The following MYOZ3 variants were observed in gnomAD, a reference collection of about 807,000 sequenced individuals.
MYOZ3 encodes myozenin 3.
MYOZ3 carries 19 observed loss-of-function variants against 26.5 expected under a neutral mutation model. The observed-to-expected ratio is 0.72, with a 90% confidence interval of 0.50 to 1.05. MYOZ3 has a LOEUF of 1.05. Ranked by LOEUF, MYOZ3 falls within the 50% of genes least tolerant of loss-of-function variation. MYOZ3 has a pLI of 0.00. For missense variants in MYOZ3, 322 were observed against 337.1 expected (o/e 0.96, Z 0.35); for synonymous variants, 135 against 138.8 (o/e 0.97, Z 0.19).
In MYOZ3 at chr5:150,670,599, G is replaced by A. The variant is rs755897254; in HGVS notation, c.177G>A (p.Val59=). The A allele has an allele frequency of 1.2e-6, 2 of 1,612,544 alleles. No homozygotes were observed. The highest frequency in any genetic ancestry group is 2.2e-5 in the East Asian group (1 of 44,820). The change falls in exon 3 of 7, where the codon GTG becomes GTA. Residue 59 remains valine (V), a synonymous_variant. Coordinates refer to ENST00000517768, the MANE Select transcript of MYOZ3 (RefSeq NM_001122853.3). ...TCTTCCAGAAGAGGCAGCGCCGTGT[G>A]CAGAAGTTCACTTTCGAGTTAGCAG... ...SLLFQKRQRR[V]QKFTFELAAS...
At chr5:150,676,057 G>A (rs1455805221) in intron 6 of MYOZ3, among the ~76,000 whole-genome samples, 1 of 152,142 alleles carries the variant, frequency 6.6e-6, no homozygotes, top group Non-Finnish European at 1.5e-5. Flanking sequence ...CTGATTTTCA[G>A]TGCTCTTTCT....
chr5:150,672,124 C>A, intron 5 of MYOZ3: 1 of 1,035,142 alleles, frequency 9.7e-7, no homozygotes, highest in Non-Finnish European at 1.5e-6. Flanking sequence ...ACCCGCGCTG[C>A]GAACTCGTGG....
At chr5:150,674,063 G>C (rs1561672086) in intron 6 of MYOZ3, among the ~76,000 whole-genome samples, 1 of 152,192 alleles carries the variant, frequency 6.6e-6, no homozygotes, top group African/African-American at 2.4e-5. Context: ...GCTCCAGAGG[G>C]ATGTGACTGC....
At chr5:150,675,474 G>A (rs1758989972) in intron 6 of MYOZ3, among the ~76,000 whole-genome samples, 1 of 151,964 alleles carries the variant, frequency 6.6e-6, no homozygotes, top group Non-Finnish European at 1.5e-5. Context: ...TCAGGTTCAA[G>A]CAATTCTTCT....
In MYOZ3 at chr5:150,670,602, GA is replaced by G. The variant is rs773248222; in HGVS notation, c.182del (p.Lys61SerfsTer6). On this transcript the variant is annotated frameshift_variant, in exon 3 of 7. Coordinates refer to ENST00000517768, the MANE Select transcript of MYOZ3 (RefSeq NM_001122853.3). LOFTEE classifies it high-confidence loss of function. Reference sequence around the variant, plus strand: ...TCCAGAAGAGGCAGCGCCGTGTGCAGAAGTTCACTTTCGAGTTAGCAGCCAG... The same window carrying G: ...TCCAGAAGAGGCAGCGCCGTGTGCAGAGTTCACTTTCGAGTTAGCAGCCAG... The part of the protein sequence containing the change: ...LFQKRQRRVQ[K>X]FTFELAASQR... The G allele has an allele frequency of 6.2e-7, 1 of 1,612,434 alleles. No homozygotes were observed. Among genetic ancestry groups the G allele is most frequent in the South Asian group, 1.1e-5 (1 of 90,936 alleles).
chr5:150,676,250 A>C (rs761573409), intron 6 of MYOZ3, among the ~76,000 whole-genome samples: 15 of 152,098 alleles, frequency 9.9e-5, no homozygotes, highest in Non-Finnish European at 7.4e-5. Flanking sequence ...AAAACCTCTT[A>C]AGATGTACAG....
chr5:150,668,658 C>G (rs189806996), intron 2 of MYOZ3, among the ~76,000 whole-genome samples: 4 of 152,344 alleles, frequency 2.6e-5, no homozygotes, highest in Admixed American at 2.6e-4. Context: ...CCGTGCTGCC[C>G]ACACAGGGCT....
In MYOZ3 at chr5:150,675,120, C is replaced by T. The variant is rs77643248; in HGVS notation, c.588-1587C>T. Among the ~76,000 whole-genome samples the T allele has an allele frequency of 3.4e-3, 512 of 152,316 alleles. 18 individuals are homozygous for T. The East Asian group carries it at 0.083, about 25-fold the overall frequency. On this transcript the variant is annotated intron_variant, in intron 6 of 6. Coordinates refer to ENST00000517768, the MANE Select transcript of MYOZ3 (RefSeq NM_001122853.3). Reference sequence around the variant, plus strand: ...ATGTAGAGCCCCTTTGCTCACCATCCTCCAATCCCAGTTGCCTTCCCAAAG... The same window carrying T: ...ATGTAGAGCCCCTTTGCTCACCATCTTCCAATCCCAGTTGCCTTCCCAAAG...
chr5:150,670,906 A>AAAAAAAG (rs1758896094), intron 3 of MYOZ3: 1 of 261,936 alleles, frequency 3.8e-6, no homozygotes, highest in African/African-American at 2.2e-5. Flanking sequence ...AAAAAAAAAA[A>AAAAAAAG]AAAGCTAAGA....
At chr5:150,663,346 G>A (rs1197111416) in intron 2 of MYOZ3, among the ~76,000 whole-genome samples, 2 of 152,194 alleles carry the variant, frequency 1.3e-5, no homozygotes, top group Non-Finnish European at 2.9e-5. Flanking sequence ...ACCTGTGGCT[G>A]CAAGCTCTGC....
chr5:150,670,997 A>G (rs1054476900), intron 3 of MYOZ3: 3 of 169,946 alleles, frequency 1.8e-5, no homozygotes, highest in African/African-American at 7.2e-5. Flanking sequence ...AAAATGTAGA[A>G]TGCCCTTTTT....
Position 150,672,400 on chromosome 5 carries a change from A to G in MYOZ3, c.485A>G (p.Lys162Arg), listed in dbSNP as rs1158838473. The G allele has an allele frequency of 5.6e-6, 9 of 1,613,604 alleles. No individual in the cohort carries two copies. The Middle Eastern group carries it at 4.9e-4, about 89-fold the overall frequency. Residue 162 changes from lysine to arginine, a missense_variant, in exon 6 of 7, where the codon AAG becomes AGG. Transcript: ENST00000517768. ...AAGTTCAACCACACCGCCATCTCCA[A>G]GGGCTACCGCTGCCCTTGGCAGGAG... ...PEKFNHTAIS[K>R]GYRCPWQEFV...
intron 3 of MYOZ3, 64 bp from the exon 4 acceptor site, chr5:150,671,525 TGGTGGAGG>T: frequency 6.6e-7 from 1 of 1,513,256 alleles, no homozygotes. Flanking sequence ...CCTTTTTTTT[TGGTGGAGG>T]GAGAACCCTG....
chr5:150,669,262 A>T (rs913134586), intron 2 of MYOZ3: 6 of 152,210 alleles, frequency 3.9e-5, no homozygotes, highest in Non-Finnish European at 7.3e-5. Flanking sequence ...AGCCTGGCCA[A>T]CATGTTGAAA....
At position 150,678,983 on chromosome 5, in the gene MYOZ3, T is replaced by C. The variant is rs1305755838; in HGVS notation, c.*2108T>C. On this transcript the variant is annotated 3_prime_UTR_variant, in exon 7 of 7. Coordinates refer to ENST00000517768, the MANE Select transcript of MYOZ3 (RefSeq NM_001122853.3). Reference sequence around the variant, plus strand: ...CAGCCCATTCCCAGGGTGTGTGGGATAGCGATTGCATTTTCCTTTTGCTCT... The same window carrying C: ...CAGCCCATTCCCAGGGTGTGTGGGACAGCGATTGCATTTTCCTTTTGCTCT... 2 of 152,416 alleles carry C rather than the reference T, an allele frequency of 1.3e-5. No individual in the cohort carries two copies. Among genetic ancestry groups the C allele is most frequent in the African/African-American group, 4.8e-5 (2 of 41,460 alleles). 9.4% of individuals were successfully genotyped at this position (152,416 alleles called of 1,614,324 possible). A position where few individuals can be genotyped will look rare whatever the true frequency, so the allele number is the denominator to read the frequency against.
intron 1 of MYOZ3, among the ~76,000 whole-genome samples, chr5:150,662,540 C>A (rs1427723944): frequency 6.6e-6 from 1 of 152,158 alleles, no homozygotes; most frequent in Non-Finnish European, 1.5e-5. Flanking sequence ...AAACCTCCAA[C>A]TTCTTTCAGC....
At chr5:150,671,707 G>C (rs749727004) in intron 4 of MYOZ3, 48 bp from the exon 5 acceptor site, 8 of 1,613,408 alleles carry the variant, frequency 5.0e-6, no homozygotes, top group Non-Finnish European at 5.9e-6. Context: ...AGCGCGGCTG[G>C]GGGCGGGAGG....
intron 6 of MYOZ3, 144 bp from the exon 7 acceptor site, chr5:150,676,563 A>AAAAAAAAAT: frequency 1.7e-6 from 1 of 572,718 alleles, no homozygotes; most frequent in South Asian, 2.8e-5. Context: ...AAAAAAAAAA[A>AAAAAAAAAT]GATGTACAGA....
chr5:150,671,406 T>G (rs1758906763), intron 3 of MYOZ3, 191 bp from the exon 4 acceptor site: 1 of 620,104 alleles, frequency 1.6e-6, no homozygotes, highest in Non-Finnish European at 2.9e-6. Context: ...CAATAGCAAT[T>G]AACATATATC....
Sources: gnomAD v4.1 joint callset for allele counts (sites outside exome capture counted in the v4.1 genomes callset) on GRCh38, gnomAD v4.1.1 for gene constraint, MANE v1.5 for transcripts, NCBI Gene and HGNC (gene_info 2026-07-23, HGNC 2026-07-21) for gene names.